SNRPN: variants seen among roughly 807,000 people sequenced by gnomAD.
SNRPN encodes small nuclear ribonucleoprotein-associated protein N.
In SNRPN, 7 loss-of-function variants were observed where a neutral mutation model predicts 25.2. The observed-to-expected ratio is 0.28, with a 90% CI of 0.16 to 0.52. SNRPN has a LOEUF of 0.52. Among genes scored for constraint, SNRPN ranks in the 20% least tolerant of loss-of-function variants. SNRPN has a pLI of 0.96. For missense variants in SNRPN, 196 were observed against 322.5 expected, an observed-to-expected ratio of 0.61 and a Z score of 3.00; for synonymous variants, 124 against 110.6, an observed-to-expected ratio of 1.12 and a Z score of -0.76.
intron 1 of SNRPN, among the ~76,000 whole-genome samples, chr15:24,876,073 C>CAA (rs1174300096): frequency 8.6e-5 from 13 of 150,400 alleles, no homozygotes; most frequent in Non-Finnish European, 1.9e-4. Context: ...AGAAAAAAAA[C>CAA]AAAAAAAATA....
At chr15:24,832,720 A>G (rs2050652791) in intron 2 of SNRPN, among the ~76,000 whole-genome samples, 1 of 152,024 alleles carries the variant, frequency 6.6e-6, no homozygotes, top group Non-Finnish European at 1.5e-5. Flanking sequence ...TAAGAGTCCA[A>G]GGTCAGTTCA....
chr15:24,954,947 GGAT>G (rs1444052570), upstream of SNRPN: 5 of 1,542,162 alleles, frequency 3.2e-6, no homozygotes, highest in Non-Finnish European at 4.4e-6. Flanking sequence ...GCTCAGGCGG[GGAT>G]GTGTGCGAAG....
chr15:24,889,692 C>T (rs776427908), intron 2 of SNRPN, among the ~76,000 whole-genome samples: 1 of 152,076 alleles, frequency 6.6e-6, no homozygotes, highest in Non-Finnish European at 1.5e-5. Context: ...TCATTTCCTC[C>T]ATACTGAATG....
In SNRPN at chr15:24,873,165, C is replaced by A. The variant is rs1050051581; in HGVS notation, c.-578-13351C>A. 1.8e-5 allele frequency among the ~76,000 whole-genome samples: 2 copies of A among 108,678 alleles called. 1 individual carries two copies. The highest frequency in any genetic ancestry group is 7.0e-5 in the African/African-American group (2 of 28,444). The allele number at this position is 108,678 out of a possible 152,430, so 71.3% of individuals were successfully genotyped here. A position where few individuals can be genotyped will look rare whatever the true frequency, so the allele number is the denominator to read the frequency against. On this transcript the variant is annotated intron_variant, in intron 1 of 11. Coordinates refer to the SNRPN transcript ENST00000400097. ...CAGCTTACCAATTACTCCCGCCTTG[C>A]CCGCAAAAAAAAAGCAACAGGGATT...
At chr15:24,962,062 T>C (rs2074922621) in intron 1 of SNRPN, 52 bp from the exon 2 acceptor site, 3 of 1,383,060 alleles carry the variant, frequency 2.2e-6, no homozygotes, top group Non-Finnish European at 2.1e-6. Context: ...CAAATAGTTA[T>C]TTCATAGATT....
At chr15:24,841,526 C>T (rs1245406550) in intron 2 of SNRPN, among the ~76,000 whole-genome samples, 2 of 152,102 alleles carry the variant, frequency 1.3e-5, no homozygotes, top group African/African-American at 4.8e-5. Flanking sequence ...ATGTGGGTTC[C>T]GGTATCCAAG....
At position 24,874,135 on chromosome 15, in the gene SNRPN, C is replaced by T. The variant is rs577196923; in HGVS notation, c.-578-12381C>T. Among the ~76,000 whole-genome samples, 50 of 151,564 alleles carry T rather than the reference C, an allele frequency of 3.3e-4. 1 individual carries two copies. The South Asian group carries it at 8.6e-3, about 26-fold the overall frequency. ...ATTATCCTGGCTAACACAGTGAAAC[C>T]TCGTCTCTACTAAAAATACAAAAAA... On this transcript the variant is annotated intron_variant, in intron 1 of 11. Coordinates refer to the SNRPN transcript ENST00000400097.
intron 3 of SNRPN, among the ~76,000 whole-genome samples, chr15:24,969,425 G>A (rs2076121381): frequency 6.6e-6 from 1 of 152,008 alleles, no homozygotes; most frequent in Non-Finnish European, 1.5e-5. Flanking sequence ...TACCGCGCCC[G>A]GCCCATTTTG....
At chr15:24,976,482 G>GCTCTACCCTGATTTCAGAC in intron 6 of SNRPN, 66 bp downstream of exon 6, 1 of 1,079,460 alleles carries the variant, frequency 9.3e-7, no homozygotes, top group Non-Finnish European at 1.4e-6. Context: ...TGAGATGTCT[G>GCTCTACCCTGATTTCAGAC]AAATCAGGGT....
intron 3 of SNRPN, among the ~76,000 whole-genome samples, chr15:24,945,332 C>T (rs1412342457): frequency 1.4e-5 from 2 of 139,834 alleles, no homozygotes; most frequent in African/African-American, 2.7e-5. Context: ...CCCTTTCCCC[C>T]ACCCACCATG....
chr15:24,837,873 C>G lies in SNRPN; in HGVS notation c.-579+7968C>G, dbSNP rs1231581209. ...CAAGTAGCTGGGATTATAGCATGCA[C>G]CACAATGCCCAGCTAATTTTTGTAT... On this transcript the variant is annotated intron_variant, in intron 2 of 12. Transcript: ENST00000400100. Among the ~76,000 whole-genome samples the G allele has an allele frequency of 2.0e-5, 3 of 151,260 alleles. No homozygotes were observed. In the East Asian group the frequency reaches 5.9e-4, roughly 30 times the overall value.
At chr15:24,949,396 TC>T (rs1203652361) in intron 3 of SNRPN, among the ~76,000 whole-genome samples, 1 of 152,124 alleles carries the variant, frequency 6.6e-6, no homozygotes, top group Non-Finnish European at 1.5e-5. Flanking sequence ...ATGTCTGCAA[TC>T]CCAGTACTTT....
chr15:24,874,154 C>A (rs2055570597), intron 1 of SNRPN, among the ~76,000 whole-genome samples: 1 of 150,164 alleles, frequency 6.7e-6, no homozygotes, highest in Non-Finnish European at 1.5e-5. Context: ...ACTAAAAATA[C>A]AAAAAATTAG....
chr15:24,923,951 G>A (rs1211364248), intron 3 of SNRPN, among the ~76,000 whole-genome samples: 2 of 102,216 alleles, frequency 2.0e-5, no homozygotes, highest in Non-Finnish European at 3.7e-5. Flanking sequence ...TTTTTTTTGA[G>A]ATGGAGTCTC....
chr15:24,956,385 C>T (rs1404675424), intron 1 of SNRPN, among the ~76,000 whole-genome samples: 3 of 148,996 alleles, frequency 2.0e-5, no homozygotes, highest in African/African-American at 5.0e-5. Flanking sequence ...CCTGTAGAGC[C>T]GCCAGTGGGG....
chr15:24,962,853 G>A (rs1596238180), intron 2 of SNRPN, among the ~76,000 whole-genome samples: 1 of 152,108 alleles, frequency 6.6e-6, no homozygotes, highest in East Asian at 1.9e-4. Context: ...ATTAAAATTT[G>A]ATGCCATTAA....
At position 24,873,496 on chromosome 15, in the gene SNRPN, A is replaced by G. The variant is rs554681111; in HGVS notation, c.-578-13020A>G. Among the ~76,000 whole-genome samples, 295 of 142,604 alleles carry G rather than the reference A, an allele frequency of 2.1e-3. 4 individuals carry two copies. The highest frequency in any genetic ancestry group is 2.8e-3 in the Admixed American group (38 of 13,598). The allele number at this position is 142,604 out of a possible 152,430, so 93.6% of individuals were successfully genotyped here. A position where few individuals can be genotyped will look rare whatever the true frequency, so the allele number is the denominator to read the frequency against. ...AAAGTCTCGCTCTGTTGCCCAGGCT[A>G]GAGTGCAGTGGTGCAATCTTGGCTC... On this transcript the variant is annotated intron_variant, in intron 1 of 11. Coordinates refer to the SNRPN transcript ENST00000400097.
rs1360572945 is a variant in SNRPN, at chr15:24,918,461, T to G, written c.-504-1550T>G. Among the ~76,000 whole-genome samples, 11 of 129,698 alleles carry G rather than the reference T, an allele frequency of 8.5e-5. 1 individual carries two copies. The highest frequency in any genetic ancestry group is 1.6e-4 in the Non-Finnish European group (10 of 62,600). 85.1% of individuals were successfully genotyped at this position (129,698 alleles called of 152,430 possible). A position where few individuals can be genotyped will look rare whatever the true frequency, so the allele number is the denominator to read the frequency against. On this transcript the variant is annotated intron_variant, in intron 2 of 11. Coordinates refer to the SNRPN transcript ENST00000400097. ...ATATATGTGTATATATATAACATAA[T>G]ATATATGTGTATATATATAACATAA... is the stretch of plus-strand genomic sequence containing the variant.
At position 24,919,064 on chromosome 15, in the gene SNRPN, T is replaced by TATAACATAATATATATGCGC. The variant is rs1204411919; in HGVS notation, c.-504-930_-504-929insCGCATAACATAATATATATG. Among the ~76,000 whole-genome samples the TATAACATAATATATATGCGC allele has an allele frequency of 8.2e-5, 12 of 147,048 alleles. 5 individuals carry two copies. Among genetic ancestry groups the TATAACATAATATATATGCGC allele is most frequent in the Non-Finnish European group, 1.8e-4 (12 of 67,000 alleles). On this transcript the variant is annotated intron_variant, in intron 2 of 11. Transcript: ENST00000400097. ...CATAATATATATGTGCGCATATATA[T>TATAACATAATATATATGCGC]ATAACATAATATATATGTGCGCATA...
Sources: allele counts gnomAD v4.1 joint callset (sites outside exome capture counted in the v4.1 genomes callset), GRCh38; gene constraint gnomAD v4.1.1; transcripts MANE v1.5; gene names NCBI Gene and HGNC (gene_info 2026-07-23, HGNC 2026-07-21).